The following PIAS2 variants were observed in gnomAD, a reference collection of about 807,000 sequenced individuals.
The protein encoded by PIAS2 is E3 SUMO-protein ligase PIAS2.
A neutral mutation model predicts 69.7 loss-of-function variants in PIAS2; 19 were observed. That is an observed-to-expected ratio of 0.27 (90% CI 0.19 to 0.40). PIAS2 has a LOEUF of 0.40. PIAS2 is among the 10% of genes least tolerant of loss of function. The probability of loss-of-function intolerance (pLI) is 1.00; values close to 1 mark genes in which losing one functional copy is unlikely to be tolerated. For synonymous variants in PIAS2, 261 were observed against 263.2 expected, an observed-to-expected ratio of 0.99 and a Z score of 0.08; for missense variants, 624 against 757.0, an observed-to-expected ratio of 0.82 and a Z score of 2.06.
At chr18:46,919,028 TG>T (rs2058345625), upstream of PIAS2, among the ~76,000 whole-genome samples, 2 of 151,120 alleles carry the variant, frequency 1.3e-5, no homozygotes, top group East Asian at 2.0e-4. Flanking sequence ...TGTGTGTGTG[TG>T]TGTTGTGTAT....
intron 12 of PIAS2, among the ~76,000 whole-genome samples, chr18:46,819,330 T>C (rs2041914018): frequency 6.6e-6 from 1 of 152,260 alleles, no homozygotes; most frequent in East Asian, 1.9e-4. Context: ...ACCTTGGCAT[T>C]AGACTTTGTA....
chr18:46,896,703 C>T (rs2054942132), intron 1 of PIAS2, among the ~76,000 whole-genome samples: 1 of 152,218 alleles, frequency 6.6e-6, no homozygotes, highest in Non-Finnish European at 1.5e-5. Context: ...ACCATACATT[C>T]TTTCTCATTT....
At chr18:46,864,958 A>C (rs1009469616) in intron 2 of PIAS2, among the ~76,000 whole-genome samples, 1 of 152,138 alleles carries the variant, frequency 6.6e-6, no homozygotes, top group Non-Finnish European at 1.5e-5. Context: ...CTCTGTATTT[A>C]ATTACACAAA....
intron 9 of PIAS2, among the ~76,000 whole-genome samples, chr18:46,835,608 T>C (rs564302235): frequency 6.6e-6 from 1 of 152,290 alleles, no homozygotes; most frequent in East Asian, 1.9e-4. Context: ...ATTTTCAAGT[T>C]GTACAAGTAT....
intron 1 of PIAS2, among the ~76,000 whole-genome samples, chr18:46,895,257 A>C (rs10853545): frequency 6.6e-6 from 1 of 151,814 alleles, no homozygotes; most frequent in South Asian, 2.1e-4. Context: ...AAGGTCAATA[A>C]GAACTCTGTA....
Position 46,852,128 on chromosome 18 carries a change from G to A in PIAS2, c.726+3217C>T, listed in dbSNP as rs949908111. On this transcript the variant is annotated intron_variant, in intron 5 of 13. Transcript: ENST00000585916. Reference sequence around the variant, plus strand: ...TCTTCTGAGGCTGCAGCATACTCACGTAATTCTTAAAAACTGCAGAATCTT... The same window carrying A: ...TCTTCTGAGGCTGCAGCATACTCACATAATTCTTAAAAACTGCAGAATCTT... Among the ~76,000 whole-genome samples the A allele has an allele frequency of 6.6e-5, 10 of 152,294 alleles. No homozygotes were observed. The East Asian group carries it at 9.6e-4, about 15-fold the overall frequency.
intron 13 of PIAS2, among the ~76,000 whole-genome samples, chr18:46,814,350 AT>A (rs978104345): frequency 1.3e-5 from 2 of 152,022 alleles, no homozygotes; most frequent in East Asian, 1.9e-4. Flanking sequence ...TTCCAAGATA[AT>A]TTTTTTTAAA....
chr18:46,901,128 A>C, intron 1 of PIAS2: 1 of 334,776 alleles, frequency 3.0e-6, no homozygotes, highest in Non-Finnish European at 5.8e-6. Context: ...ACAAAAAATT[A>C]AACTACAGGC....
intron 5 of PIAS2, 78 bp downstream of exon 5, chr18:46,855,266 CA>C: frequency 1.2e-6 from 1 of 828,490 alleles, no homozygotes; most frequent in South Asian, 1.7e-5. Context: ...ATTCAGCTGT[CA>C]CTGTTGCACT....
At chr18:46,881,388 G>C (rs879885169) in intron 2 of PIAS2, among the ~76,000 whole-genome samples, 1 of 152,098 alleles carries the variant, frequency 6.6e-6, no homozygotes, top group African/African-American at 2.4e-5. Context: ...TATGTAATGG[G>C]ATTATAATTT....
At chr18:46,870,258 G>A (rs1043171352) in intron 2 of PIAS2, among the ~76,000 whole-genome samples, 2 of 152,004 alleles carry the variant, frequency 1.3e-5, no homozygotes, top group African/African-American at 4.8e-5. Context: ...AGTGCCCCTT[G>A]GAGGAGAAGG....
At chr18:46,817,563 T>C in intron 12 of PIAS2, 1 of 921,628 alleles carries the variant, frequency 1.1e-6, no homozygotes, top group Non-Finnish European at 1.3e-6. Flanking sequence ...AATTAAGAGA[T>C]TTACTTATCT....
chr18:46,870,570 C>T (rs529691342), intron 2 of PIAS2, among the ~76,000 whole-genome samples: 1 of 121,720 alleles, frequency 8.2e-6, no homozygotes. Context: ...GAGCCATGAT[C>T]GTGCCACTGC....
chr18:46,918,766 G>C (rs1221984876), upstream of PIAS2, among the ~76,000 whole-genome samples: 1 of 152,020 alleles, frequency 6.6e-6, no homozygotes, highest in African/African-American at 2.4e-5. Context: ...CTTGAACCAA[G>C]AATAATTTCC....
chr18:46,902,393 C>G (rs144690299), intron 1 of PIAS2, among the ~76,000 whole-genome samples: 1 of 151,960 alleles, frequency 6.6e-6, no homozygotes, highest in Non-Finnish European at 1.5e-5. Flanking sequence ...CCCGTCTCTA[C>G]TAAAGATGCA....
At position 46,810,588 on chromosome 18, in the gene PIAS2, C is replaced by T. The variant is rs749453952; in HGVS notation, c.*1845G>A. Reference sequence around the variant, plus strand: ...CTCGTAGATTTGGGTTTGTTTCCCCCCCAACATCTTTAAAATAAGCAGCCC... The same window carrying T: ...CTCGTAGATTTGGGTTTGTTTCCCCTCCAACATCTTTAAAATAAGCAGCCC... On this transcript the variant is annotated 3_prime_UTR_variant, in exon 14 of 14. Transcript: ENST00000585916. 3 of 152,124 alleles carry T rather than the reference C, an allele frequency of 2.0e-5. No homozygotes were observed. Among genetic ancestry groups the T allele is most frequent in the East Asian group, 1.9e-4 (1 of 5,180 alleles). The allele number at this position is 152,124 out of a possible 1,614,324, so 9.4% of individuals were successfully genotyped here.
At chr18:46,840,923 T>C (rs1456032032) in intron 8 of PIAS2, among the ~76,000 whole-genome samples, 1 of 152,132 alleles carries the variant, frequency 6.6e-6, no homozygotes, top group Admixed American at 6.5e-5. Context: ...AGAGAGTTTT[T>C]AAGTTGAAAA....
chr18:46,874,425 G>A (rs181031677), intron 2 of PIAS2, among the ~76,000 whole-genome samples: 11 of 152,218 alleles, frequency 7.2e-5, no homozygotes, highest in African/African-American at 1.4e-4. Context: ...AACCCACTTC[G>A]CTGCACGTCA....
At chr18:46,888,866 G>A (rs958963347) in intron 2 of PIAS2, among the ~76,000 whole-genome samples, 1 of 152,118 alleles carries the variant, frequency 6.6e-6, no homozygotes, top group African/African-American at 2.4e-5. Flanking sequence ...AACAGGCTGT[G>A]GACTGGTGCT....
Sources: allele counts gnomAD v4.1 joint callset (sites outside exome capture counted in the v4.1 genomes callset), GRCh38; gene constraint gnomAD v4.1.1; transcripts MANE v1.5; gene names NCBI Gene and HGNC (gene_info 2026-07-23, HGNC 2026-07-21).